Variants in KLF8 observed in about 807,000 individuals in gnomAD.
KLF8 encodes KLF transcription factor 8.
A neutral mutation model predicts 18.2 loss-of-function variants in KLF8; 10 were observed. That is an observed-to-expected ratio of 0.55 (90% confidence interval 0.34 to 0.93). The LOEUF (loss-of-function observed/expected upper bound fraction) is 0.93, where lower values mean the gene tolerates loss of function less well. KLF8 is among the 40% of genes least tolerant of loss of function. KLF8 has a pLI of 0.02. For synonymous variants in KLF8, 109 were observed against 97.3 expected (o/e 1.12, Z -0.71); for missense variants, 264 against 277.9 (o/e 0.95, Z 0.36).
At chrX:56,178,897 T>C in the KLF8 span, among the ~76,000 whole-genome samples, 1 of 112,426 alleles carries the variant, frequency 8.9e-6, no homozygotes. Context: ...CCTTGTACTA[T>C]AGCTTGAAGT....
chrX:55,988,619 T>C, the KLF8 span, among the ~76,000 whole-genome samples: 24 of 111,696 alleles, frequency 2.1e-4, no homozygotes, highest in Non-Finnish European at 4.3e-4. Flanking sequence ...GTAGTATAGT[T>C]TGAAGTCAGG....
chrX:55,963,811 G>T, the KLF8 span, among the ~76,000 whole-genome samples: 50 of 111,917 alleles, frequency 4.5e-4, no homozygotes, highest in African/African-American at 1.4e-3. Context: ...CAATAACAGA[G>T]TATATATTCG....
At chrX:56,156,100 G>T in the KLF8 span, among the ~76,000 whole-genome samples, 1 of 111,968 alleles carries the variant, frequency 8.9e-6, no homozygotes, top group Admixed American at 9.5e-5. Flanking sequence ...ATTATGAATA[G>T]CACAGTTGCA....
the KLF8 span, among the ~76,000 whole-genome samples, chrX:55,947,666 G>A: frequency 4.8e-4 from 53 of 111,210 alleles, no homozygotes; most frequent in African/African-American, 1.7e-3. Context: ...GACTCCTTGA[G>A]TGTTGGGGAT....
At chrX:55,953,563 C>A in the KLF8 span, among the ~76,000 whole-genome samples, 128 of 110,693 alleles carry the variant, frequency 1.2e-3, no homozygotes, top group African/African-American at 4.1e-3. Context: ...TCATGTTTCC[C>A]AATTTCAAAA....
At chrX:56,013,628 CCTT>C in the KLF8 span, among the ~76,000 whole-genome samples, 5 of 110,886 alleles carry the variant, frequency 4.5e-5, no homozygotes, top group African/African-American at 1.3e-4. Flanking sequence ...GGGGTGATTT[CCTT>C]CTTCTTTTTT....
At chrX:56,272,823 A>G (rs1433626326) in intron 5 of KLF8, among the ~76,000 whole-genome samples, 1 of 111,340 alleles carries the variant, frequency 9.0e-6, no homozygotes, top group East Asian at 2.8e-4. Context: ...ATAAGATTAT[A>G]TAACATCTGC....
At chrX:55,919,362 A>G in the KLF8 span, among the ~76,000 whole-genome samples, 1 of 111,876 alleles carries the variant, frequency 8.9e-6, no homozygotes, top group Admixed American at 9.4e-5. Flanking sequence ...CAGGAAAGCC[A>G]AGAAAATCCA....
chrX:56,058,285 T>TATATATATATATAC, the KLF8 span, among the ~76,000 whole-genome samples: 1 of 42,813 alleles, frequency 2.3e-5, no homozygotes, highest in African/African-American at 1.1e-4. Flanking sequence ...TATACATATA[T>TATATATATATATAC]ATATATATAT....
chrX:55,908,360 A>C, the KLF8 span: 3 of 287,365 alleles, frequency 1.0e-5, no homozygotes, highest in African/African-American at 8.3e-5. Flanking sequence ...CGAACAACCA[A>C]GTTGTGCGAT....
chrX:56,191,072 T>C, the KLF8 span, among the ~76,000 whole-genome samples: 3 of 111,135 alleles, frequency 2.7e-5, no homozygotes, highest in East Asian at 8.4e-4. Flanking sequence ...TTAGTCAGAC[T>C]AAGAAAAACA....
At chrX:56,063,524 T>G in the KLF8 span, among the ~76,000 whole-genome samples, 1 of 111,736 alleles carries the variant, frequency 8.9e-6, no homozygotes, top group East Asian at 2.8e-4. Flanking sequence ...TGCCTATTCC[T>G]TCCTCTGGAA....
At chrX:56,140,392 A>G in the KLF8 span, among the ~76,000 whole-genome samples, 2 of 112,077 alleles carry the variant, frequency 1.8e-5, no homozygotes, top group African/African-American at 6.5e-5. Context: ...TAAAGAAAAC[A>G]TGATACGTAT....
chrX:56,076,834 T>C, the KLF8 span, among the ~76,000 whole-genome samples: 1 of 112,220 alleles, frequency 8.9e-6, no homozygotes, highest in East Asian at 2.8e-4. Context: ...ATCACCATTC[T>C]AACTGATGTG....
chrX:55,990,943 G>A, the KLF8 span, among the ~76,000 whole-genome samples: 1 of 112,416 alleles, frequency 8.9e-6, no homozygotes, highest in Non-Finnish European at 1.9e-5. Flanking sequence ...GCTACTTGTG[G>A]GTCAGGGACC....
At chrX:56,173,000 C>T in the KLF8 span, among the ~76,000 whole-genome samples, 4 of 111,782 alleles carry the variant, frequency 3.6e-5, no homozygotes, top group Non-Finnish European at 7.5e-5. Context: ...TGGATATTAA[C>T]CCTTTGTCAG....
chrX:55,960,506 A>AAAAAGAGTTG, the KLF8 span, among the ~76,000 whole-genome samples: 1 of 110,370 alleles, frequency 9.1e-6, no homozygotes, highest in Non-Finnish European at 1.9e-5. Context: ...CAAGAGTGAA[A>AAAAAGAGTTG]CTCTGTCAAA....
intron 2 of KLF8, among the ~76,000 whole-genome samples, chrX:56,260,770 G>A (rs2066872541): frequency 8.9e-6 from 1 of 111,933 alleles, no homozygotes; most frequent in Non-Finnish European, 1.9e-5. Flanking sequence ...ATGTATCCAG[G>A]CATAAAACTA....
intron 5 of KLF8, among the ~76,000 whole-genome samples, chrX:56,273,565 A>G (rs1419645786): frequency 9.1e-6 from 1 of 110,451 alleles, no homozygotes; most frequent in African/African-American, 3.3e-5. Flanking sequence ...GCTACCACAA[A>G]TAAGTGACAA....
Sources: allele counts gnomAD v4.1 joint callset (sites outside exome capture counted in the v4.1 genomes callset), GRCh38; gene constraint gnomAD v4.1.1; transcripts MANE v1.5; gene names NCBI Gene and HGNC (gene_info 2026-07-23, HGNC 2026-07-21).